Variants in WDR25 observed in about 807,000 individuals in gnomAD.
WDR25 encodes WD repeat-containing protein 25.
In WDR25, 35 loss-of-function variants were observed where a neutral mutation model predicts 47.7. The ratio of observed to expected loss-of-function variants is 0.73; its 90% CI spans 0.56 to 0.97. WDR25 has a LOEUF of 0.97. WDR25 is among the 50% of genes least tolerant of loss of function. The pLI is 0.00. For missense variants in WDR25, 634 were observed against 704.7 expected (o/e 0.90, Z 1.14); for synonymous variants, 248 against 278.9 (o/e 0.89, Z 1.10).
intron 4 of WDR25, among the ~76,000 whole-genome samples, chr14:100,484,550 C>T (rs1274707267): frequency 1.3e-5 from 2 of 151,912 alleles, no homozygotes; most frequent in Non-Finnish European, 2.9e-5. Context: ...GTGCTTTTAG[C>T]TTGCTGTGGG....
At chr14:100,416,068 A>G (rs10144321) in intron 2 of WDR25, among the ~76,000 whole-genome samples, 37,582 of 152,096 alleles carry the variant, frequency 0.25, 5,543 homozygotes, top group East Asian at 0.53. Context: ...GGGAAGCCAG[A>G]TATGGTTCTA....
rs1897167920 is a variant in WDR25 at position 100,392,526 on chromosome 14, C to T, written c.822+10780C>T. Among the ~76,000 whole-genome samples, 1 of 152,026 alleles carries T rather than the reference C, an allele frequency of 6.6e-6. No homozygotes were observed. The highest frequency in any genetic ancestry group is 1.5e-5 in the Non-Finnish European group (1 of 68,008). ...CCATAAGCAAAATCCACCAACTCGA[C>T]CATACACTGAAATTATCATTATCCT... On this transcript the variant is annotated intron_variant, in intron 2 of 6. Transcript: ENST00000402312. This position sits in a 1 kb window ranked among gnomAD's most constrained non-coding sequence, Gnocchi z 4.2.
chr14:100,424,635 C>T lies in WDR25; in HGVS notation c.822+42889C>T, dbSNP rs1397674413. Reference sequence around the variant, plus strand: ...GTGTTTGCGTGGGAATGTCTTGGGCCTGGGGATGTAGAGCCCAGGTTCTGG... The same window carrying T: ...GTGTTTGCGTGGGAATGTCTTGGGCTTGGGGATGTAGAGCCCAGGTTCTGG... On this transcript the variant is annotated intron_variant, in intron 2 of 6. Transcript: ENST00000402312. This position sits in a 1 kb window ranked among gnomAD's most constrained non-coding sequence, Gnocchi z 4.2. Among the ~76,000 whole-genome samples the T allele has an allele frequency of 6.6e-6, 1 of 152,156 alleles. No individual in the cohort carries two copies.
At chr14:100,463,668 G>A (rs1050316353) in intron 2 of WDR25, among the ~76,000 whole-genome samples, 2 of 152,156 alleles carry the variant, frequency 1.3e-5, no homozygotes, top group African/African-American at 4.8e-5. Flanking sequence ...CATCACACTG[G>A]TACGGGAATG....
Position 100,523,484 on chromosome 14 carries a change from T to C in WDR25, c.1102-2386T>C, listed in dbSNP as rs776843431. On this transcript the variant is annotated intron_variant, in intron 4 of 6. Transcript: ENST00000402312. This position sits in a 1 kb window ranked among gnomAD's most constrained non-coding sequence, Gnocchi z 4.7. ...CTGAGGACCAGGAGTACTTAGAGGC[T>C]CAGAGGTGTGGTTGGGGCCCTCGTG... Among the ~76,000 whole-genome samples the C allele has an allele frequency of 1.3e-5, 2 of 152,148 alleles. No homozygotes were observed. The highest frequency in any genetic ancestry group is 2.9e-5 in the Non-Finnish European group (2 of 68,032).
At chr14:100,459,939 T>TATATATAC (rs1491515673) in intron 2 of WDR25, among the ~76,000 whole-genome samples, 1 of 84,892 alleles carries the variant, frequency 1.2e-5, no homozygotes, top group African/African-American at 5.3e-5. Context: ...TATATATATA[T>TATATATAC]ACACATACAC....
At position 100,404,792 on chromosome 14, in the gene WDR25, CCTT is replaced by C. The variant is rs926301204; in HGVS notation, c.822+23049_822+23051del. The stretch of plus-strand genomic sequence containing the variant: ...CCCTCCCTCCTCCTGCCTGCATTCT[CCTT>C]CTGCTGTTACATGGGGGCATGCACC... On this transcript the variant is annotated intron_variant, in intron 2 of 6. Transcript: ENST00000402312. The surrounding 1 kb of genome is among the most constrained non-coding windows in gnomAD (Gnocchi z 4.6). Among the ~76,000 whole-genome samples the C allele has an allele frequency of 6.6e-6, 1 of 152,180 alleles. No homozygotes were observed. Among genetic ancestry groups the C allele is most frequent in the Middle Eastern group, 3.2e-3 (1 of 316 alleles).
chr14:100,408,295 A>G (rs1206093390), intron 2 of WDR25, among the ~76,000 whole-genome samples: 1 of 152,044 alleles, frequency 6.6e-6, no homozygotes, highest in Non-Finnish European at 1.5e-5. Flanking sequence ...CCCCTCCTTC[A>G]CTGTAGATTC....
chr14:100,485,258 G>A (rs1032988398), intron 4 of WDR25, among the ~76,000 whole-genome samples: 1 of 151,942 alleles, frequency 6.6e-6, no homozygotes, highest in Non-Finnish European at 1.5e-5. Context: ...ACTAGCATCC[G>A]CTAGTCCCCT....
At chr14:100,398,101 G>A (rs1251189360) in intron 2 of WDR25, among the ~76,000 whole-genome samples, 4 of 152,204 alleles carry the variant, frequency 2.6e-5, no homozygotes, top group Non-Finnish European at 4.4e-5. Context: ...GCCTCCCAAA[G>A]TGCTGGGATT....
chr14:100,464,820 G>T (rs61990756), intron 2 of WDR25, among the ~76,000 whole-genome samples: 2 of 124,842 alleles, frequency 1.6e-5, no homozygotes, highest in African/African-American at 6.3e-5. Context: ...TACCCCATCT[G>T]CTCTCCCCTA....
At chr14:100,473,656 C>T in intron 3 of WDR25, among the ~76,000 whole-genome samples, 1 of 152,194 alleles carries the variant, frequency 6.6e-6, no homozygotes, top group East Asian at 1.9e-4. Context: ...GACCACTTGG[C>T]ATGGGAAGGG....
chr14:100,380,208 T>C (rs1896846242), intron 1 of WDR25, among the ~76,000 whole-genome samples: 1 of 151,888 alleles, frequency 6.6e-6, no homozygotes, highest in African/African-American at 2.4e-5. Context: ...CCACCAGGCC[T>C]GGCTAATTTT....
At chr14:100,481,103 C>CAAAAAAAAAA (rs71113268) in intron 3 of WDR25, 27 of 248,190 alleles carry the variant, frequency 1.1e-4, no homozygotes, top group South Asian at 2.0e-4. Flanking sequence ...CAAAAAAGTG[C>CAAAAAAAAAA]AAAAAAAAAA....
chr14:100,509,444 C>A lies in WDR25; in HGVS notation c.1102-16426C>A, dbSNP rs75372958. 6.7e-4 allele frequency among the ~76,000 whole-genome samples: 102 copies of A among 152,230 alleles called. 4 individuals carry two copies. The East Asian group carries it at 0.019, about 28-fold the overall frequency. On this transcript the variant is annotated intron_variant, in intron 4 of 6. Coordinates refer to ENST00000402312, the MANE Select transcript of WDR25 (RefSeq NM_001161476.3). Reference sequence around the variant, plus strand: ...TGAGTGCCAATCTGGTATCACTACCCCCCAGGCTGCAGAACTTCCTTTAGC... The same window carrying A: ...TGAGTGCCAATCTGGTATCACTACCACCCAGGCTGCAGAACTTCCTTTAGC...
chr14:100,447,611 C>T (rs1235387222), intron 2 of WDR25, among the ~76,000 whole-genome samples: 1 of 152,098 alleles, frequency 6.6e-6, no homozygotes, highest in African/African-American at 2.4e-5. Flanking sequence ...TGTTTGGTGG[C>T]ACCAGACATG....
At chr14:100,477,343 C>T (rs184886394) in intron 3 of WDR25, among the ~76,000 whole-genome samples, 1 of 152,228 alleles carries the variant, frequency 6.6e-6, no homozygotes, top group East Asian at 1.9e-4. Context: ...TTCCTAGCTC[C>T]AAGAAGATCC....
chr14:100,529,122 G>A lies in WDR25; in HGVS notation c.1327G>A (p.Ala443Thr). The A allele has an allele frequency of 6.3e-7, 1 of 1,596,916 alleles. No individual in the cohort carries two copies. Among genetic ancestry groups the A allele is most frequent in the Non-Finnish European group, 8.6e-7 (1 of 1,166,930 alleles). ...ALHPREPVFL[A>T]QTNGNYLALF... ...GCACCCGAGAGAGCCCGTGTTCCTG[G>A]CACAGACCAATGGCAACTACCTGGC... Residue 443 changes from alanine (A) to threonine (T), a missense_variant, in exon 6 of 7, where the codon GCA becomes ACA. Physicochemically the swap from Ala to Thr is moderately conservative, Grantham distance 58 (BLOSUM62 0). Coordinates refer to ENST00000402312, the MANE Select transcript of WDR25 (RefSeq NM_001161476.3). The surrounding 1 kb of genome is among the most constrained non-coding windows in gnomAD (Gnocchi z 5.1).
intron 2 of WDR25, among the ~76,000 whole-genome samples, chr14:100,466,968 C>T (rs1489090905): frequency 6.6e-6 from 1 of 152,194 alleles, no homozygotes; most frequent in African/African-American, 2.4e-5. Context: ...AGCTCAGGGG[C>T]TCTCACGTGG....
Sources: allele counts gnomAD v4.1 joint callset (sites outside exome capture counted in the v4.1 genomes callset), GRCh38; gene constraint gnomAD v4.1.1; non-coding constraint Gnocchi (gnomAD v3.1); transcripts MANE v1.5; gene names NCBI Gene and HGNC (gene_info 2026-07-23, HGNC 2026-07-21).